The following DIS3L2 variants were observed in gnomAD, a reference collection of about 807,000 sequenced individuals.
The protein encoded by DIS3L2 is DIS3 like 3'-5' exoribonuclease 2, also known as DIS3-like exonuclease 2.
In DIS3L2, 34 loss-of-function variants were observed where a neutral mutation model predicts 97.5. The observed-to-expected ratio is 0.35, with a 90% confidence interval of 0.27 to 0.46. The LOEUF is 0.46. Ranked by LOEUF, DIS3L2 falls within the 20% of genes least tolerant of loss-of-function variation. The pLI is 1.00. For synonymous variants in DIS3L2, 435 were observed against 445.2 expected (o/e 0.98, Z 0.29); for missense variants, 1,038 against 1,146.0 (o/e 0.91, Z 1.36).
At chr2:232,103,060 T>C (rs1697252365) in intron 6 of DIS3L2, among the ~76,000 whole-genome samples, 1 of 152,194 alleles carries the variant, frequency 6.6e-6, no homozygotes, top group African/African-American at 2.4e-5. Flanking sequence ...CAAGTAATTT[T>C]GTAAACATGA....
Position 232,163,531 on chromosome 2 carries a change from C to A in DIS3L2, c.1023C>A (p.Gly341=), listed in dbSNP as rs201122747. 6.2e-7 allele frequency: 1 copy of A among 1,614,120 alleles called. No individual in the cohort carries two copies. Among genetic ancestry groups the A allele is most frequent in the South Asian group, 1.1e-5 (1 of 91,072 alleles). ...PETEGILTEY[G]VDFSDFSSEV... ...CAGAAGGAATACTAACAGAGTATGG[C>A]GTGGATTTCTCTGATTTCTCTTCAG... The change falls in exon 9 of 21, where the codon GGC becomes GGA. Residue 341 remains glycine (G), a synonymous_variant. Coordinates refer to ENST00000325385, the MANE Select transcript of DIS3L2 (RefSeq NM_152383.5).
At position 232,003,304 on chromosome 2, in the gene DIS3L2, A is replaced by G. The variant is rs73995039; in HGVS notation, c.-93-11531A>G. On this transcript the variant is annotated intron_variant, in intron 1 of 20. Coordinates refer to ENST00000325385, the MANE Select transcript of DIS3L2 (RefSeq NM_152383.5). Reference sequence around the variant, plus strand: ...CTGAGTCTTCTCCTCATTGTACTCCATATCATCCTCTGTTTCAGTTTATTG... The same window carrying G: ...CTGAGTCTTCTCCTCATTGTACTCCGTATCATCCTCTGTTTCAGTTTATTG... Among the ~76,000 whole-genome samples the G allele has an allele frequency of 5.6e-3, 854 of 152,162 alleles. 14 individuals carry two copies. The highest frequency in any genetic ancestry group is 0.019 in the African/African-American group (809 of 41,500).
intron 14 of DIS3L2, among the ~76,000 whole-genome samples, chr2:232,306,546 T>C (rs7589083): frequency 0.014 from 2,176 of 152,380 alleles, 62 homozygotes; most frequent in African/African-American, 0.05. Context: ...TGGTATATTT[T>C]ATCTATTAGT....
intron 8 of DIS3L2, among the ~76,000 whole-genome samples, chr2:232,138,556 C>G (rs1213331788): frequency 1.3e-5 from 2 of 152,052 alleles, no homozygotes; most frequent in Non-Finnish European, 2.9e-5. Flanking sequence ...GGGGTGAGGG[C>G]TGCAGCTGTT....
At chr2:231,969,876 GA>G (rs1395800982) in intron 1 of DIS3L2, among the ~76,000 whole-genome samples, 4 of 148,066 alleles carry the variant, frequency 2.7e-5, no homozygotes, top group Non-Finnish European at 4.4e-5. Context: ...AGTTTACTGA[GA>G]TTTTTTTTTT....
At chr2:232,124,475 G>C (rs1697998350) in intron 6 of DIS3L2, among the ~76,000 whole-genome samples, 1 of 152,146 alleles carries the variant, frequency 6.6e-6, no homozygotes, top group Non-Finnish European at 1.5e-5. Flanking sequence ...TTTAACAGCA[G>C]ATTGGATAAA....
chr2:232,203,560 G>C (rs1456158890), intron 9 of DIS3L2, among the ~76,000 whole-genome samples: 1 of 152,172 alleles, frequency 6.6e-6, no homozygotes, highest in Non-Finnish European at 1.5e-5. Flanking sequence ...TCATTCATCT[G>C]TCCATCAGCT....
intron 8 of DIS3L2, among the ~76,000 whole-genome samples, chr2:232,142,202 CA>C (rs1021654676): frequency 6.6e-6 from 1 of 152,078 alleles, no homozygotes; most frequent in African/African-American, 2.4e-5. Context: ...AGGCAAAAAG[CA>C]AATCAGGCTG....
In DIS3L2 at chr2:232,299,054, G is replaced by A. The variant is rs75635423; in HGVS notation, c.1660-986G>A. ...CAGTCTTTCTCTCAGCAGTGGATCA[G>A]CCACCTGACTGGTGATTCAGATTCA... is the stretch of plus-strand genomic sequence containing the variant. On this transcript the variant is annotated intron_variant, in intron 13 of 20. Transcript: ENST00000325385. Among the ~76,000 whole-genome samples the A allele has an allele frequency of 2.0e-3, 311 of 152,334 alleles. 1 individual carries two copies. The highest frequency in any genetic ancestry group is 7.2e-3 in the African/African-American group (300 of 41,576).
chr2:232,267,203 ACC>A, intron 13 of DIS3L2, among the ~76,000 whole-genome samples: 2 of 152,214 alleles, frequency 1.3e-5, no homozygotes, highest in South Asian at 4.2e-4. Flanking sequence ...AGTCTTGTTT[ACC>A]CTAGTGTGCT....
chr2:232,335,869 C>G lies in DIS3L2; in HGVS notation c.2491C>G (p.Gln831Glu), dbSNP rs2106356428. The G allele has an allele frequency of 6.4e-7, 1 of 1,550,602 alleles. No homozygotes were observed. The highest frequency in any genetic ancestry group is 8.7e-7 in the Non-Finnish European group (1 of 1,147,006). ...TGAGGACATGGAGCAGGAGCCAGCA[C>G]AGCAGGTCAGAACCCCTCTGTGTCC... ...EPEDMEQEPA[Q>E]QVITIFSLVE... Residue 831 changes from glutamine to glutamate, a missense_variant, in exon 20 of 21, where the codon CAG becomes GAG. Gln to Glu is a conservative substitution (Grantham distance 29, BLOSUM62 2). Transcript: ENST00000325385.
chr2:232,329,805 C>T lies in DIS3L2; in HGVS notation c.1740-8C>T. 1 of 1,410,246 alleles carries T rather than the reference C, an allele frequency of 7.1e-7. No individual in the cohort carries two copies. Among genetic ancestry groups the T allele is most frequent in the Non-Finnish European group, 9.3e-7 (1 of 1,070,742 alleles). 87.4% of individuals were successfully genotyped at this position (1,410,246 alleles called of 1,614,324 possible). ...AGCGGTCCCTCCCATCCCACCCACCCTCTGCAGGCTCGTGGAGGAGTTCAT... is the reference window on the plus strand; with the variant it reads ...AGCGGTCCCTCCCATCCCACCCACCTTCTGCAGGCTCGTGGAGGAGTTCAT... On this transcript the variant is annotated splice_region_variant and splice_polypyrimidine_tract_variant and intron_variant, in intron 14 of 20. Coordinates refer to ENST00000325385, the MANE Select transcript of DIS3L2 (RefSeq NM_152383.5).
intron 8 of DIS3L2, among the ~76,000 whole-genome samples, chr2:232,140,202 A>C (rs1219195904): frequency 1.3e-5 from 2 of 151,702 alleles, no homozygotes; most frequent in African/African-American, 4.8e-5. Flanking sequence ...CAACTTTTAA[A>C]CTCATTTGTC....
At position 232,329,794 on chromosome 2, in the gene DIS3L2, T is replaced by TGG; in HGVS notation, c.1740-19_1740-18insGG. The TGG allele has an allele frequency of 6.2e-6, 1 of 161,340 alleles. No individual in the cohort carries two copies. The highest frequency in any genetic ancestry group is 1.2e-5 in the Non-Finnish European group (1 of 84,660). 10.0% of individuals were successfully genotyped at this position (161,340 alleles called of 1,614,324 possible). A position where few individuals can be genotyped will look rare whatever the true frequency, so the allele number is the denominator to read the frequency against. ...CCCCAAACCCCAGCGGTCCCTCCCA[T>TGG]CCCACCCACCCTCTGCAGGCTCGTG... is the stretch of plus-strand genomic sequence containing the variant. On this transcript the variant is annotated intron_variant, in intron 14 of 20. Coordinates refer to ENST00000325385, the MANE Select transcript of DIS3L2 (RefSeq NM_152383.5).
rs540466308 is a variant in DIS3L2 at position 232,141,281 on chromosome 2, A to T, written c.950+4562A>T. Among the ~76,000 whole-genome samples, 16 of 152,240 alleles carry T rather than the reference A, an allele frequency of 1.1e-4. No individual in the cohort carries two copies. In the South Asian group the frequency reaches 3.3e-3, roughly 32 times the overall value. Reference sequence around the variant, plus strand: ...ATGGTCACTTTCTCCCAGATTTGTCATGGTTTCTTCTTGACTATTTAAGGG... The same window carrying T: ...ATGGTCACTTTCTCCCAGATTTGTCTTGGTTTCTTCTTGACTATTTAAGGG... On this transcript the variant is annotated intron_variant, in intron 8 of 20. Coordinates refer to ENST00000325385, the MANE Select transcript of DIS3L2 (RefSeq NM_152383.5).
At chr2:232,197,254 C>T (rs1257574514) in intron 9 of DIS3L2, among the ~76,000 whole-genome samples, 4 of 152,134 alleles carry the variant, frequency 2.6e-5, no homozygotes, top group Non-Finnish European at 5.9e-5. Flanking sequence ...TGTGCTTAGT[C>T]TCAGATAAAG....
intron 1 of DIS3L2, among the ~76,000 whole-genome samples, chr2:231,989,395 G>A (rs1327004630): frequency 2.0e-5 from 3 of 151,216 alleles, no homozygotes; most frequent in African/African-American, 7.3e-5. Flanking sequence ...TTGTATAGAG[G>A]CGTAGATGAA....
chr2:232,343,242 G>A, intron 13 of DIS3L2: 1 of 931,178 alleles, frequency 1.1e-6, no homozygotes, highest in Non-Finnish European at 1.6e-6. Context: ...CTGAAGCTAT[G>A]GAGCTGACGC....
intron 1 of DIS3L2, among the ~76,000 whole-genome samples, chr2:232,006,484 A>G (rs754400741): frequency 6.6e-6 from 1 of 152,218 alleles, no homozygotes; most frequent in Non-Finnish European, 1.5e-5. Context: ...GATGATAATG[A>G]TGTCATTAAT....
Sources: gnomAD v4.1 joint callset for allele counts (sites outside exome capture counted in the v4.1 genomes callset) on GRCh38, gnomAD v4.1.1 for gene constraint, MANE v1.5 for transcripts, NCBI Gene and HGNC (gene_info 2026-07-23, HGNC 2026-07-21) for gene names.